WWOX: variants seen among roughly 807,000 people sequenced by gnomAD.
The protein encoded by WWOX is WW domain containing oxidoreductase.
WWOX carries 69 observed loss-of-function variants against 46.2 expected under a neutral mutation model. The ratio of observed to expected loss-of-function variants is 1.49; its 90% confidence interval spans 1.23 to 1.82. The LOEUF (loss-of-function observed/expected upper bound fraction) is 1.82. Among genes scored for constraint, WWOX ranks in the 40% most tolerant of loss-of-function variants. The pLI, the probability that WWOX is intolerant of heterozygous loss-of-function variation, is 0.00. For synonymous variants in WWOX, 359 were observed against 202.6 expected, an observed-to-expected ratio of 1.77 and a Z score of -6.56; for missense variants, 919 against 542.6, an observed-to-expected ratio of 1.69 and a Z score of -6.89.
At chr16:78,221,935 T>A (rs2036902958) in intron 5 of WWOX, among the ~76,000 whole-genome samples, 1 of 152,158 alleles carries the variant, frequency 6.6e-6, no homozygotes, top group Non-Finnish European at 1.5e-5. Flanking sequence ...CATAATCTAT[T>A]TTCTTACTGC....
intron 5 of WWOX, among the ~76,000 whole-genome samples, chr16:78,337,091 C>CCTGACCAG (rs2080909394): frequency 6.6e-6 from 1 of 152,036 alleles, no homozygotes; most frequent in Admixed American, 6.6e-5. Flanking sequence ...CTAGGATAAT[C>CCTGACCAG]TTAATTTTAA....
chr16:78,574,887 G>A (rs2044811214), intron 8 of WWOX, among the ~76,000 whole-genome samples: 1 of 148,262 alleles, frequency 6.7e-6, no homozygotes, highest in Non-Finnish European at 1.5e-5. Flanking sequence ...TGTACAGCAT[G>A]AGTGGTGATG....
chr16:78,301,965 T>C (rs1366754810), intron 5 of WWOX, among the ~76,000 whole-genome samples: 2 of 151,874 alleles, frequency 1.3e-5, no homozygotes, highest in African/African-American at 4.8e-5. Flanking sequence ...GGTGTTTTTT[T>C]TTTTTTTCTT....
At chr16:79,061,860 C>G (rs771448151) in intron 8 of WWOX, among the ~76,000 whole-genome samples, 1 of 152,140 alleles carries the variant, frequency 6.6e-6, no homozygotes, top group African/African-American at 2.4e-5. Context: ...GTTTTGGCAG[C>G]CTTACTTGGT....
chr16:78,620,852 T>C (rs74831940), intron 8 of WWOX, among the ~76,000 whole-genome samples: 3,763 of 152,304 alleles, frequency 0.025, 178 homozygotes, highest in African/African-American at 0.086. Flanking sequence ...TATTTCTTCT[T>C]TCATTTTTTC....
intron 4 of WWOX, among the ~76,000 whole-genome samples, chr16:78,142,636 A>G (rs942260008): frequency 1.3e-5 from 2 of 152,222 alleles, no homozygotes; most frequent in Non-Finnish European, 1.5e-5. Context: ...AACTTTAAAT[A>G]AATAAATCGT....
chr16:78,653,608 G>T (rs571376023), intron 8 of WWOX, among the ~76,000 whole-genome samples: 2 of 152,350 alleles, frequency 1.3e-5, no homozygotes, highest in African/African-American at 4.8e-5. Context: ...GCAGTTGCCA[G>T]CTTGGGTTTG....
chr16:78,937,424 T>C (rs185589893), intron 8 of WWOX, among the ~76,000 whole-genome samples: 4 of 149,132 alleles, frequency 2.7e-5, no homozygotes, highest in Non-Finnish European at 3.0e-5. Flanking sequence ...AACATACCTT[T>C]AGAGAACTTT....
chr16:78,594,667 G>C (rs374466397), intron 8 of WWOX, among the ~76,000 whole-genome samples: 1 of 152,086 alleles, frequency 6.6e-6, no homozygotes, highest in Non-Finnish European at 1.5e-5. Flanking sequence ...TCAGGGCAGC[G>C]TGGGACCTCA....
chr16:79,155,461 A>T (rs1042307158), intron 8 of WWOX, among the ~76,000 whole-genome samples: 5 of 152,200 alleles, frequency 3.3e-5, no homozygotes, highest in African/African-American at 1.2e-4. Context: ...TGAGGTTATT[A>T]TGTAGGTATT....
intron 4 of WWOX, among the ~76,000 whole-genome samples, chr16:78,146,576 A>T (rs1311117411): frequency 1.3e-5 from 2 of 152,170 alleles, no homozygotes; most frequent in South Asian, 4.1e-4. Flanking sequence ...TATAGATTTC[A>T]AAATTGGTGT....
At chr16:79,116,053 A>G (rs778250280) in intron 8 of WWOX, among the ~76,000 whole-genome samples, 1 of 152,224 alleles carries the variant, frequency 6.6e-6, no homozygotes, top group Non-Finnish European at 1.5e-5. Context: ...AGTGTACAAT[A>G]GCATTGTAAG....
chr16:78,773,393 C>T (rs765926018), intron 8 of WWOX, among the ~76,000 whole-genome samples: 1 of 152,148 alleles, frequency 6.6e-6, no homozygotes, highest in African/African-American at 2.4e-5. Context: ...CTGGTCCCAC[C>T]CATGGGTAAG....
chr16:79,163,596 C>A (rs887444066), intron 8 of WWOX, among the ~76,000 whole-genome samples: 2 of 152,028 alleles, frequency 1.3e-5, no homozygotes, highest in African/African-American at 4.8e-5. Context: ...GCCAGGAGTT[C>A]AAGACTAGCC....
chr16:78,426,542 G>C (rs943186893), intron 7 of WWOX, among the ~76,000 whole-genome samples: 1 of 152,200 alleles, frequency 6.6e-6, no homozygotes, highest in Admixed American at 6.5e-5. Flanking sequence ...TTGGGCTCTT[G>C]AATTAGACCT....
At chr16:78,561,834 A>T (rs549616252) in intron 8 of WWOX, among the ~76,000 whole-genome samples, 3 of 152,288 alleles carry the variant, frequency 2.0e-5, no homozygotes, top group Non-Finnish European at 4.4e-5. Flanking sequence ...CAGGATCTTC[A>T]GTTACCAGCA....
intron 8 of WWOX, among the ~76,000 whole-genome samples, chr16:78,755,390 C>G (rs901146281): frequency 2.0e-5 from 3 of 152,040 alleles, no homozygotes; most frequent in African/African-American, 7.2e-5. Flanking sequence ...TAAAGCAGGC[C>G]TTGTTGCTAT....
At chr16:78,691,001 C>T (rs1452462964) in intron 8 of WWOX, among the ~76,000 whole-genome samples, 1 of 152,080 alleles carries the variant, frequency 6.6e-6, no homozygotes. Flanking sequence ...TCGTAGACCC[C>T]CTTTGATAAT....
chr16:79,138,493 C>G (rs116089224), intron 8 of WWOX, among the ~76,000 whole-genome samples: 1,620 of 152,314 alleles, frequency 0.011, 28 homozygotes, highest in African/African-American at 0.037. Flanking sequence ...AACTGCCTCA[C>G]TCCTGTGGCC....
Sources: gnomAD v4.1 joint callset for allele counts (sites outside exome capture counted in the v4.1 genomes callset) on GRCh38, gnomAD v4.1.1 for gene constraint, MANE v1.5 for transcripts, NCBI Gene and HGNC (gene_info 2026-07-23, HGNC 2026-07-21) for gene names.